Variants in SLC9A7 observed in about 807,000 individuals in gnomAD.
SLC9A7 encodes the protein sodium/hydrogen exchanger 7.
Under a neutral mutation model 52.6 loss-of-function variants are expected in SLC9A7, and 19 were observed. The observed-to-expected ratio is 0.36, with a 90% CI of 0.25 to 0.53. The LOEUF (loss-of-function observed/expected upper bound fraction) is 0.53, where lower values mean the gene tolerates loss of function less well. Among genes scored for constraint, SLC9A7 ranks in the 20% least tolerant of loss-of-function variants. The pLI, the probability that SLC9A7 is intolerant of heterozygous loss-of-function variation, is 0.91. For missense variants in SLC9A7, 455 were observed against 597.9 expected, an observed-to-expected ratio of 0.76 and a Z score of 2.49; for synonymous variants, 226 against 252.1, an observed-to-expected ratio of 0.90 and a Z score of 0.98.
At chrX:46,724,191 G>A (rs1176840583) in intron 1 of SLC9A7, among the ~76,000 whole-genome samples, 3 of 111,115 alleles carry the variant, frequency 2.7e-5, no homozygotes, top group Non-Finnish European at 5.7e-5. Flanking sequence ...TCCCTCATAT[G>A]AGAATAGCCC....
intron 1 of SLC9A7, among the ~76,000 whole-genome samples, chrX:46,715,215 T>C (rs980434089): frequency 4.5e-5 from 5 of 112,097 alleles, no homozygotes; most frequent in Non-Finnish European, 9.4e-5. Context: ...TTTTAAAGTA[T>C]TTATTTATAT....
intron 16 of SLC9A7, among the ~76,000 whole-genome samples, chrX:46,608,294 G>T (rs1230710395): frequency 8.9e-6 from 1 of 112,629 alleles, no homozygotes; most frequent in Admixed American, 9.3e-5. Context: ...AAGACTCATG[G>T]GTTGCGTTTC....
intron 1 of SLC9A7, among the ~76,000 whole-genome samples, chrX:46,710,236 T>G (rs1007080254): frequency 4.5e-4 from 50 of 112,089 alleles, no homozygotes; most frequent in African/African-American, 1.6e-3. Context: ...GGACTGCCCC[T>G]TAGGCACTTC....
chrX:46,732,404 T>C (rs1945056948), intron 1 of SLC9A7, among the ~76,000 whole-genome samples: 2 of 109,681 alleles, frequency 1.8e-5, no homozygotes, highest in South Asian at 7.9e-4. Flanking sequence ...AATACAAAAA[T>C]GAGCTGGGCA....
Position 46,749,608 on chromosome X carries a change from A to C in SLC9A7, c.325+9097T>G, listed in dbSNP as rs759536993. On this transcript the variant is annotated intron_variant, in intron 1 of 16. Coordinates refer to ENST00000616978, the MANE Select transcript of SLC9A7 (RefSeq NM_001257291.2). ...AACACTGGTAGCCTTCTGTCATATCAATGGAATAACACCTGGAGTGTGACC... is the reference window on the plus strand; with the variant it reads ...AACACTGGTAGCCTTCTGTCATATCCATGGAATAACACCTGGAGTGTGACC... Among the ~76,000 whole-genome samples, 122 of 111,929 alleles carry C rather than the reference A, an allele frequency of 1.1e-3. 1 individual carries two copies. Among genetic ancestry groups the C allele is most frequent in the African/African-American group, 3.8e-3 (116 of 30,812 alleles).
chrX:46,679,342 G>A (rs1348468709), intron 3 of SLC9A7, among the ~76,000 whole-genome samples: 1 of 112,605 alleles, frequency 8.9e-6, no homozygotes, highest in Non-Finnish European at 1.9e-5. Context: ...ACGATCATGT[G>A]TAGGTTTTTA....
intron 5 of SLC9A7, among the ~76,000 whole-genome samples, chrX:46,666,001 C>G (rs1478973078): frequency 8.9e-6 from 1 of 112,226 alleles, no homozygotes; most frequent in Non-Finnish European, 1.9e-5. Flanking sequence ...CACCTTTGAC[C>G]AGAAGACCAA....
intron 11 of SLC9A7, 24 bp downstream of exon 11, chrX:46,648,662 T>C: frequency 9.3e-7 from 1 of 1,075,611 alleles, no homozygotes; most frequent in South Asian, 1.9e-5. Context: ...AAAACTCATT[T>C]TCTTTACACT....
At position 46,682,448 on chromosome X, in the gene SLC9A7, G is replaced by T; in HGVS notation, c.413C>A (p.Ala138Asp). 8.3e-7 allele frequency: 1 copy of T among 1,211,078 alleles called. No individual in the cohort carries two copies. Among genetic ancestry groups the T allele is most frequent in the Non-Finnish European group, 1.1e-6 (1 of 895,004 alleles). The change falls in exon 2 of 17, where the codon GCC becomes GAC. Residue 138 changes from alanine to aspartate, a missense_variant. Ala to Asp is a moderately radical substitution (Grantham distance 126). Transcript: ENST00000616978. The stretch of plus-strand genomic sequence containing the variant: ...GACATTCACTAATAAGGTACTGAAG[G>T]CCCTGTCTTCCTGAGTGCAGCTGAG... ...KSLSCTQEDR[A>D]FSTLLVNVSG...
chrX:46,724,141 C>CT (rs112964365), intron 1 of SLC9A7, among the ~76,000 whole-genome samples: 3,205 of 106,533 alleles, frequency 0.03, 38 homozygotes, highest in African/African-American at 0.04. Flanking sequence ...ATTAATTCCA[C>CT]TTTTTTTTTT....
intron 1 of SLC9A7, among the ~76,000 whole-genome samples, chrX:46,717,722 CA>C (rs1183949857): frequency 2.7e-5 from 3 of 110,927 alleles, no homozygotes; most frequent in Non-Finnish European, 5.7e-5. Flanking sequence ...AATATTTATC[CA>C]ACTGCAACTT....
At chrX:46,654,401 A>G (rs1168304481) in intron 7 of SLC9A7, among the ~76,000 whole-genome samples, 1 of 111,671 alleles carries the variant, frequency 9.0e-6, no homozygotes, top group East Asian at 2.8e-4. Flanking sequence ...ATTATCATGT[A>G]ATATACCAAA....
chrX:46,741,902 G>A (rs1034006456), intron 1 of SLC9A7, among the ~76,000 whole-genome samples: 1 of 109,246 alleles, frequency 9.2e-6, no homozygotes, highest in Non-Finnish European at 1.9e-5. Flanking sequence ...ATCTAATGAA[G>A]TACTTCCATC....
chrX:46,673,541 G>A (rs1321156474), intron 3 of SLC9A7, among the ~76,000 whole-genome samples: 1 of 111,718 alleles, frequency 9.0e-6, no homozygotes, highest in East Asian at 2.8e-4. Context: ...TTGACAATCA[G>A]AACTATTTAA....
intron 4 of SLC9A7, among the ~76,000 whole-genome samples, chrX:46,670,536 G>C (rs1455583830): frequency 9.0e-6 from 1 of 111,228 alleles, no homozygotes; most frequent in African/African-American, 3.3e-5. Context: ...GGCAGCAGCA[G>C]TGATAGCAGC....
chrX:46,659,127 T>C (rs1274156679), intron 7 of SLC9A7, among the ~76,000 whole-genome samples: 3 of 111,608 alleles, frequency 2.7e-5, no homozygotes, highest in African/African-American at 9.8e-5. Flanking sequence ...AAAAACCACA[T>C]GATTATCTCA....
chrX:46,756,779 C>G (rs1024072731), intron 1 of SLC9A7, among the ~76,000 whole-genome samples: 17 of 111,961 alleles, frequency 1.5e-4, no homozygotes, highest in Non-Finnish European at 2.6e-4. Flanking sequence ...CTTTTCTGAA[C>G]AGCCATCAGT....
intron 1 of SLC9A7, among the ~76,000 whole-genome samples, chrX:46,735,420 T>C: frequency 8.9e-6 from 1 of 112,029 alleles, no homozygotes; most frequent in Non-Finnish European, 1.9e-5. Context: ...ATTCCTCCCT[T>C]CCATCTTTGT....
intron 1 of SLC9A7, among the ~76,000 whole-genome samples, chrX:46,744,790 A>ACCGTGTTT (rs1921615892): frequency 8.9e-6 from 1 of 111,978 alleles, no homozygotes; most frequent in African/African-American, 3.2e-5. Context: ...AAAGAGCATT[A>ACCGTGTTT]GCAAAATAGC....
Sources: gnomAD v4.1 joint callset for allele counts (sites outside exome capture counted in the v4.1 genomes callset) on GRCh38, gnomAD v4.1.1 for gene constraint, MANE v1.5 for transcripts, NCBI Gene and HGNC (gene_info 2026-07-23, HGNC 2026-07-21) for gene names.